NALF1: variants seen among roughly 807,000 people sequenced by gnomAD.
NALF1 encodes NALCN channel auxiliary factor 1.
In NALF1, 3 loss-of-function variants were observed where a neutral mutation model predicts 48.4. The observed-to-expected ratio is 0.06, with a 90% confidence interval of 0.03 to 0.16. The LOEUF is 0.16. Ranked by LOEUF, NALF1 falls within the 10% of genes least tolerant of loss-of-function variation. The pLI, the probability that NALF1 is intolerant of heterozygous loss-of-function variation, is 1.00. For missense variants in NALF1, 526 were observed against 571.5 expected (o/e 0.92, Z 0.81); for synonymous variants, 262 against 245.7 (o/e 1.07, Z -0.62).
At chr13:107,283,617 ATTATTTATTTATTTATTTAT>A (rs71121515) in intron 1 of NALF1, among the ~76,000 whole-genome samples, 2 of 145,466 alleles carry the variant, frequency 1.4e-5, no homozygotes, top group Non-Finnish European at 3.0e-5. Flanking sequence ...GCGGATCTTC[ATTATTTATTTATTTATTTAT>A]TTATTTATTT....
At chr13:107,283,067 G>A (rs914812069) in intron 1 of NALF1, among the ~76,000 whole-genome samples, 51 of 152,258 alleles carry the variant, frequency 3.3e-4, no homozygotes, top group African/African-American at 1.2e-3. Context: ...ACGGACGGGA[G>A]CCCTAAGGAG....
chr13:107,303,511 T>C (rs1881877513), intron 1 of NALF1, among the ~76,000 whole-genome samples: 1 of 152,198 alleles, frequency 6.6e-6, no homozygotes. Flanking sequence ...TGTTTGTTAT[T>C]ATAGCTGTAG....
intron 1 of NALF1, among the ~76,000 whole-genome samples, chr13:107,338,412 C>G (rs978879987): frequency 9.8e-6 from 1 of 101,870 alleles, no homozygotes. Flanking sequence ...TTTATCCTTT[C>G]GCCTTTCTCA....
At chr13:107,562,127 T>C (rs1039974422) in intron 1 of NALF1, among the ~76,000 whole-genome samples, 1 of 152,218 alleles carries the variant, frequency 6.6e-6, no homozygotes. Flanking sequence ...ATCTTGGAAA[T>C]GCAAATATTA....
At chr13:107,406,130 T>G (rs1402319697) in intron 1 of NALF1, among the ~76,000 whole-genome samples, 1 of 152,016 alleles carries the variant, frequency 6.6e-6, no homozygotes, top group African/African-American at 2.4e-5. Flanking sequence ...CAAACACATC[T>G]AGGAAAAGAA....
At chr13:107,337,479 T>C (rs1168731043) in intron 1 of NALF1, among the ~76,000 whole-genome samples, 1 of 152,198 alleles carries the variant, frequency 6.6e-6, no homozygotes, top group Admixed American at 6.5e-5. Context: ...TATTGATTGC[T>C]GAGGCTTGTC....
At chr13:107,258,920 CA>C (rs1880874493) in intron 1 of NALF1, among the ~76,000 whole-genome samples, 1 of 152,132 alleles carries the variant, frequency 6.6e-6, no homozygotes, top group Admixed American at 6.5e-5. Flanking sequence ...CATGATGAAA[CA>C]GGATGTGTGG....
chr13:107,284,415 C>T (rs1881450619), intron 1 of NALF1, among the ~76,000 whole-genome samples: 1 of 152,000 alleles, frequency 6.6e-6, no homozygotes, highest in East Asian at 1.9e-4. Context: ...ACTTACCAGC[C>T]AAAGACTTTA....
At chr13:107,781,315 T>C (rs1389830396) in intron 1 of NALF1, among the ~76,000 whole-genome samples, 1 of 152,214 alleles carries the variant, frequency 6.6e-6, no homozygotes, top group East Asian at 1.9e-4. Context: ...ACAGAGTATC[T>C]ACTTGTAGCA....
chr13:107,528,705 G>A (rs917878673), intron 1 of NALF1, among the ~76,000 whole-genome samples: 1 of 152,128 alleles, frequency 6.6e-6, no homozygotes, highest in Non-Finnish European at 1.5e-5. Flanking sequence ...GAGAAGGACA[G>A]TGGATGAGAC....
chr13:107,806,564 T>G (rs1056847718), intron 1 of NALF1, among the ~76,000 whole-genome samples: 5 of 152,086 alleles, frequency 3.3e-5, no homozygotes, highest in African/African-American at 1.2e-4. Flanking sequence ...AAATGTGACA[T>G]CTGGTCAGAA....
chr13:107,443,035 T>C (rs1884585972), intron 1 of NALF1, among the ~76,000 whole-genome samples: 1 of 152,162 alleles, frequency 6.6e-6, no homozygotes, highest in Non-Finnish European at 1.5e-5. Flanking sequence ...ATTATAATAA[T>C]TCATATTAAG....
intron 1 of NALF1, among the ~76,000 whole-genome samples, chr13:107,239,224 A>G (rs1880414785): frequency 6.6e-6 from 1 of 152,214 alleles, no homozygotes; most frequent in Admixed American, 6.5e-5. Context: ...TCTCACAGTT[A>G]TGGATGCTAG....
chr13:107,750,582 G>GA (rs769048095), intron 1 of NALF1, among the ~76,000 whole-genome samples: 7,796 of 139,280 alleles, frequency 0.056, 304 homozygotes, highest in Non-Finnish European at 0.088. Context: ...TTATTAACAT[G>GA]AAAAAAAAAA....
intron 1 of NALF1, among the ~76,000 whole-genome samples, chr13:107,487,590 T>A (rs1183999516): frequency 2.0e-5 from 3 of 152,054 alleles, no homozygotes; most frequent in African/African-American, 4.8e-5. Flanking sequence ...TTAAAAAGAG[T>A]GCCTATGTTG....
chr13:107,520,728 C>T (rs1037880936), intron 1 of NALF1, among the ~76,000 whole-genome samples: 4 of 152,146 alleles, frequency 2.6e-5, no homozygotes, highest in Admixed American at 6.5e-5. Flanking sequence ...GACTGCCTGC[C>T]CGTGCATCAT....
intron 1 of NALF1, among the ~76,000 whole-genome samples, chr13:107,805,420 G>T (rs923513558): frequency 6.6e-6 from 1 of 152,140 alleles, no homozygotes; most frequent in African/African-American, 2.4e-5. Context: ...GCTTACGGAA[G>T]AAGCATAGAT....
intron 1 of NALF1, among the ~76,000 whole-genome samples, chr13:107,382,382 T>C (rs974733112): frequency 1.3e-5 from 2 of 152,242 alleles, no homozygotes; most frequent in African/African-American, 2.4e-5. Flanking sequence ...ATCATACAGA[T>C]ACAAACCTAT....
intron 1 of NALF1, among the ~76,000 whole-genome samples, chr13:107,494,646 T>G (rs992722306): frequency 6.6e-6 from 1 of 152,172 alleles, no homozygotes; most frequent in African/African-American, 2.4e-5. Flanking sequence ...GCTTTACCTA[T>G]GGGTTAACTA....
Sources: allele counts gnomAD v4.1 joint callset (sites outside exome capture counted in the v4.1 genomes callset), GRCh38; gene constraint gnomAD v4.1.1; transcripts MANE v1.5; gene names NCBI Gene and HGNC (gene_info 2026-07-23, HGNC 2026-07-21).